PLXNA4: variants seen among roughly 807,000 people sequenced by gnomAD.
PLXNA4 encodes the protein plexin-A4.
In PLXNA4, 44 loss-of-function variants were observed where a neutral mutation model predicts 191.8. The ratio of observed to expected loss-of-function variants is 0.23; its 90% CI spans 0.18 to 0.29. PLXNA4 has a LOEUF of 0.29. Among genes scored for constraint, PLXNA4 ranks in the 10% least tolerant of loss-of-function variants. The pLI is 1.00. For synonymous variants in PLXNA4, 1,082 were observed against 1,009.5 expected (o/e 1.07, Z -1.36); for missense variants, 1,800 against 2,488.8 (o/e 0.72, Z 5.89).
chr7:132,523,509 G>A (rs1016215849), intron 1 of PLXNA4, among the ~76,000 whole-genome samples: 2 of 152,254 alleles, frequency 1.3e-5, no homozygotes, highest in African/African-American at 2.4e-5. Flanking sequence ...AGAAGAGCAC[G>A]GAAGGATGGG....
At chr7:132,533,909 C>T (rs1799725603) in intron 1 of PLXNA4, among the ~76,000 whole-genome samples, 1 of 151,580 alleles carries the variant, frequency 6.6e-6, no homozygotes, top group South Asian at 2.1e-4. Context: ...CTCTAAAGGA[C>T]AGAATAAGGA....
chr7:132,188,993 G>GGAAAGGAAA (rs71178030), intron 14 of PLXNA4, among the ~76,000 whole-genome samples: 1 of 35,570 alleles, frequency 2.8e-5, no homozygotes, highest in Non-Finnish European at 4.8e-5. Flanking sequence ...GGAAAGGAAA[G>GGAAAGGAAA]GAGAGAGAGA....
intron 1 of PLXNA4, among the ~76,000 whole-genome samples, chr7:132,525,381 C>T (rs1030328054): frequency 5.9e-5 from 9 of 152,136 alleles, no homozygotes; most frequent in Admixed American, 5.9e-4. Flanking sequence ...TTCTGGGTAG[C>T]TGGGACAGCA....
intron 3 of PLXNA4, among the ~76,000 whole-genome samples, chr7:132,487,624 C>T (rs1797613122): frequency 6.6e-6 from 1 of 152,150 alleles, no homozygotes; most frequent in Non-Finnish European, 1.5e-5. Context: ...TCCTAGCCCA[C>T]CAAAGCTGGA....
At chr7:132,149,879 C>A (rs1795546057) in intron 25 of PLXNA4, among the ~76,000 whole-genome samples, 1 of 152,190 alleles carries the variant, frequency 6.6e-6, no homozygotes, top group African/African-American at 2.4e-5. Context: ...GCAGAGAGCA[C>A]CAATTCCTCC....
At chr7:132,437,937 T>C (rs1015278130) in intron 3 of PLXNA4, among the ~76,000 whole-genome samples, 3 of 152,050 alleles carry the variant, frequency 2.0e-5, no homozygotes, top group Non-Finnish European at 2.9e-5. Flanking sequence ...TGAAATTAAC[T>C]TGAGCCAAGA....
At chr7:132,262,773 G>A (rs4731857) in intron 4 of PLXNA4, among the ~76,000 whole-genome samples, 31,429 of 152,018 alleles carry the variant, frequency 0.21, 4,582 homozygotes, top group East Asian at 0.48. Context: ...GCTCAGTGGG[G>A]AGGCTGGGGA....
intron 1 of PLXNA4, among the ~76,000 whole-genome samples, chr7:132,519,313 G>A (rs1799073487): frequency 6.6e-6 from 1 of 152,236 alleles, no homozygotes; most frequent in South Asian, 2.1e-4. Context: ...CTGTCCAGGG[G>A]TACTGGCTCC....
At chr7:132,640,564 G>A (rs1047031216) in intron 2 of PLXNA4, among the ~76,000 whole-genome samples, 3 of 152,218 alleles carry the variant, frequency 2.0e-5, no homozygotes, top group African/African-American at 4.8e-5. Flanking sequence ...GCAGCCATCT[G>A]CAAGCAAGAA....
intron 3 of PLXNA4, among the ~76,000 whole-genome samples, chr7:132,488,963 C>T (rs1341882621): frequency 2.0e-5 from 3 of 152,178 alleles, no homozygotes; most frequent in African/African-American, 7.2e-5. Context: ...ATTGCTCAGA[C>T]CTAATAAAGC....
rs780808327 is a variant in PLXNA4, at chr7:132,521,531, T to C, written c.-86-12752A>G. ...ATTGGGCACACACCTGCAAGTCAAA[T>C]GGCCAAGAAGATGTGCAGTTTCTGG... On this transcript the variant is annotated intron_variant, in intron 1 of 31. Transcript: ENST00000321063. 4.7e-4 allele frequency among the ~76,000 whole-genome samples: 72 copies of C among 152,278 alleles called. 1 individual carries two copies. Among genetic ancestry groups the C allele is most frequent in the Non-Finnish European group, 6.5e-4 (44 of 68,006 alleles).
At chr7:132,320,648 GA>G (rs1802124703) in intron 3 of PLXNA4, among the ~76,000 whole-genome samples, 1 of 152,030 alleles carries the variant, frequency 6.6e-6, no homozygotes. Context: ...AGCACTGAAT[GA>G]CCTTTCCCAT....
At chr7:132,276,005 G>A (rs1188859184) in intron 4 of PLXNA4, among the ~76,000 whole-genome samples, 1 of 152,198 alleles carries the variant, frequency 6.6e-6, no homozygotes, top group Non-Finnish European at 1.5e-5. Context: ...GCCACCTAGT[G>A]TGAACTGGCC....
chr7:132,327,329 A>C (rs1184237444), intron 3 of PLXNA4, among the ~76,000 whole-genome samples: 2 of 152,192 alleles, frequency 1.3e-5, no homozygotes, highest in Non-Finnish European at 1.5e-5. Context: ...AAGGGTCAGA[A>C]GTACTGAGAA....
rs774204373 is a variant in PLXNA4 at position 132,508,686 on chromosome 7, G to T, written c.8C>A (p.Ala3Asp). 8.6e-6 allele frequency: 13 copies of T among 1,515,178 alleles called. No individual in the cohort carries two copies. The highest frequency in any genetic ancestry group is 1.7e-4 in the Middle Eastern group (1 of 5,790). The allele number at this position is 1,515,178 out of a possible 1,614,324, so 93.9% of individuals were successfully genotyped here. A position where few individuals can be genotyped will look rare whatever the true frequency, so the allele number is the denominator to read the frequency against. ...AAGGCAGGTCCAGTTCCAGGGCATG[G>T]CTTTCATGGCAGAGGCGGGTCCCAG... MK[A>D]MPWNWTCLLS... The change falls in exon 2 of 32, where the codon GCC (alanine) becomes GAC (aspartate). Residue 3 changes from alanine (A) to aspartate (D), a missense_variant. This residue lies in a region of PLXNA4 where 1,397 missense variants were observed against 1,880.4 expected (regional missense o/e 0.74). Coordinates refer to ENST00000321063, the MANE Select transcript of PLXNA4 (RefSeq NM_020911.2). The surrounding 1 kb of genome is among the most constrained non-coding windows in gnomAD (Gnocchi z 4.4).
At chr7:132,269,264 C>A (rs756574901) in intron 4 of PLXNA4, among the ~76,000 whole-genome samples, 4 of 152,136 alleles carry the variant, frequency 2.6e-5, no homozygotes, top group African/African-American at 9.7e-5. Context: ...TAGTACACTG[C>A]CTGTTTTCTA....
At chr7:132,255,126 C>A (rs1799390291) in intron 4 of PLXNA4, among the ~76,000 whole-genome samples, 1 of 152,086 alleles carries the variant, frequency 6.6e-6, no homozygotes. Context: ...AGATGGAGAA[C>A]CTGGGAGAAG....
At chr7:132,536,516 C>T (rs1369796962) in intron 1 of PLXNA4, among the ~76,000 whole-genome samples, 1 of 152,196 alleles carries the variant, frequency 6.6e-6, no homozygotes, top group African/African-American at 2.4e-5. Context: ...ACAAGGCTTC[C>T]TTCAGCCCCT....
At chr7:132,453,553 T>C (rs1202425553) in intron 3 of PLXNA4, among the ~76,000 whole-genome samples, 2 of 152,004 alleles carry the variant, frequency 1.3e-5, no homozygotes, top group Non-Finnish European at 2.9e-5. Flanking sequence ...TGAGGGTTTT[T>C]TTTTTTTCTT....
Sources: allele counts gnomAD v4.1 joint callset (sites outside exome capture counted in the v4.1 genomes callset), GRCh38; gene constraint gnomAD v4.1.1; regional missense constraint gnomAD v4.1.1; non-coding constraint Gnocchi (gnomAD v3.1); transcripts MANE v1.5; gene names NCBI Gene and HGNC (gene_info 2026-07-23, HGNC 2026-07-21).